The following MLYCD variants were observed in gnomAD, a reference collection of about 807,000 sequenced individuals.
MLYCD encodes malonyl-CoA decarboxylase.
A neutral mutation model predicts 35.8 loss-of-function variants in MLYCD; 27 were observed. That is an observed-to-expected ratio of 0.75 (90% CI 0.56 to 1.04). MLYCD has a LOEUF of 1.04. Ranked by LOEUF, MLYCD falls within the 50% of genes least tolerant of loss-of-function variation. The pLI is 0.00. For missense variants in MLYCD, 917 were observed against 665.1 expected, an observed-to-expected ratio of 1.38 and a Z score of -4.17; for synonymous variants, 403 against 302.4, an observed-to-expected ratio of 1.33 and a Z score of -3.45.
Position 83,899,250 on chromosome 16 carries a change from C to G in MLYCD, c.106C>G (p.Leu36Val), listed in dbSNP as rs1462488273. 6 of 1,313,428 alleles carry G rather than the reference C, an allele frequency of 4.6e-6. No individual in the cohort carries two copies. Among genetic ancestry groups the G allele is most frequent in the South Asian group, 2.2e-5 (1 of 45,942 alleles). 81.4% of individuals were successfully genotyped at this position (1,313,428 alleles called of 1,614,324 possible). A position where few individuals can be genotyped will look rare whatever the true frequency, so the allele number is the denominator to read the frequency against. Residue 36 changes from leucine to valine, a missense_variant, in exon 1 of 5, where the codon CTG becomes GTG. Coordinates refer to ENST00000262430, the MANE Select transcript of MLYCD (RefSeq NM_012213.3). ...GGCGAGCGGGCAGGCGGCCGGCGCC[C>G]TGGAGCGGGCCATGGACGAGCTGCT... ...RLASGQAAGA[L>V]ERAMDELLRR... is the part of the protein sequence containing the mutation.
Position 83,917,086 on chromosome 16 carries a change from G to A in MLYCD, c.*1597G>A, listed in dbSNP as rs28575294. On this transcript the variant is annotated 3_prime_UTR_variant, in exon 5 of 5. Transcript: ENST00000262430. ...AGTGCACGTCTGTGTGCGTGTGCAC[G>A]AGCGTCTCTGTGGATCAGTGCACGT... The A allele has an allele frequency of 1.3e-3, 5 of 3,988 alleles. No homozygotes were observed. The highest frequency in any genetic ancestry group is 5.5e-3 in the Non-Finnish European group (3 of 544). The allele number at this position is 3,988 out of a possible 1,614,324, so 0.2% of individuals were successfully genotyped here. A position where few individuals can be genotyped will look rare whatever the true frequency, so the allele number is the denominator to read the frequency against.
intron 1 of MLYCD, among the ~76,000 whole-genome samples, chr16:83,902,883 C>G (rs993201251): frequency 6.6e-6 from 1 of 152,014 alleles, no homozygotes; most frequent in Non-Finnish European, 1.5e-5. Flanking sequence ...GATTTGTGGC[C>G]TCCTGAATGT....
intron 3 of MLYCD, among the ~76,000 whole-genome samples, chr16:83,911,274 G>A (rs1907171408): frequency 6.6e-6 from 1 of 152,178 alleles, no homozygotes; most frequent in Non-Finnish European, 1.5e-5. Context: ...CACCGCGCCC[G>A]GCCTCCATAC....
Position 83,912,203 on chromosome 16 carries a change from G to A in MLYCD, c.799-15G>A, listed in dbSNP as rs367614213. 513 of 1,614,034 alleles carry A rather than the reference G, an allele frequency of 3.2e-4. No homozygotes were observed. The highest frequency in any genetic ancestry group is 4.2e-4 in the Non-Finnish European group (496 of 1,180,022). ...CGGCCAGGCCACCCTTAGAACCATCGTTGGTGTTTTCCAGGCAATCGTGAA... is the reference window on the plus strand; with the variant it reads ...CGGCCAGGCCACCCTTAGAACCATCATTGGTGTTTTCCAGGCAATCGTGAA... On this transcript the variant is annotated splice_polypyrimidine_tract_variant and intron_variant, in intron 3 of 4. Coordinates refer to ENST00000262430, the MANE Select transcript of MLYCD (RefSeq NM_012213.3).
Position 83,915,771 on chromosome 16 carries a change from C to T in MLYCD, c.*282C>T. 1 of 1,313,816 alleles carries T rather than the reference C, an allele frequency of 7.6e-7. No homozygotes were observed. The allele number at this position is 1,313,816 out of a possible 1,614,324, so 81.4% of individuals were successfully genotyped here. On this transcript the variant is annotated 3_prime_UTR_variant, in exon 5 of 5. Coordinates refer to ENST00000262430, the MANE Select transcript of MLYCD (RefSeq NM_012213.3). ...TCGTTGCCCTTGGCCTGGCTCCCTG[C>T]CCGGGGCTGGTGCTGTGGTACCTAC... is the stretch of plus-strand genomic sequence containing the variant.
At chr16:83,910,194 A>AT (rs1195659818) in intron 3 of MLYCD, among the ~76,000 whole-genome samples, 3 of 136,192 alleles carry the variant, frequency 2.2e-5, no homozygotes, top group Admixed American at 1.4e-4. Flanking sequence ...GTAATTGGTT[A>AT]TTTTTTTTTA....
intron 1 of MLYCD, among the ~76,000 whole-genome samples, chr16:83,904,715 T>A (rs1336489510): frequency 6.6e-6 from 1 of 152,230 alleles, no homozygotes; most frequent in Non-Finnish European, 1.5e-5. Context: ...CAGCTGTCTA[T>A]CTAATGCTTA....
At chr16:83,904,708 C>G (rs1272000207) in intron 1 of MLYCD, among the ~76,000 whole-genome samples, 2 of 152,354 alleles carry the variant, frequency 1.3e-5, no homozygotes, top group East Asian at 3.9e-4. Flanking sequence ...TCTGGTCCAG[C>G]TGTCTATCTA....
At chr16:83,900,971 G>C (rs773546823) in intron 1 of MLYCD, among the ~76,000 whole-genome samples, 7 of 152,184 alleles carry the variant, frequency 4.6e-5, no homozygotes, top group Admixed American at 2.0e-4. Context: ...CCGTTAATCA[G>C]ATGTTTATTA....
In MLYCD at chr16:83,916,281, G is replaced by C. The variant is rs1907383719; in HGVS notation, c.*792G>C. 2.4e-6 allele frequency: 2 copies of C among 822,772 alleles called. No homozygotes were observed. Among genetic ancestry groups the C allele is most frequent in the African/African-American group, 1.9e-5 (1 of 53,888 alleles). 51.0% of individuals were successfully genotyped at this position (822,772 alleles called of 1,614,324 possible). A position where few individuals can be genotyped will look rare whatever the true frequency, so the allele number is the denominator to read the frequency against. On this transcript the variant is annotated 3_prime_UTR_variant, in exon 5 of 5. Transcript: ENST00000262430. Reference sequence around the variant, plus strand: ...GGGGAGTTTGGGATGAAGGAGCCTGGGGTGTGTTGGATGAGAACAAAGGTG... The same window carrying C: ...GGGGAGTTTGGGATGAAGGAGCCTGCGGTGTGTTGGATGAGAACAAAGGTG...
rs890010323 is a variant in MLYCD, at chr16:83,926,984, C to G, written c.*11495C>G. On this transcript the variant is annotated 3_prime_UTR_variant, in exon 5 of 5. Coordinates refer to ENST00000262430, the MANE Select transcript of MLYCD (RefSeq NM_012213.3). ...CACTCACTCCAGCCTGGCGACAGAG[C>G]GAGACTACGTCTCAAAAAAAAATAA... 1.8e-4 allele frequency: 28 copies of G among 152,040 alleles called. No individual in the cohort carries two copies. The highest frequency in any genetic ancestry group is 6.5e-4 in the African/African-American group (27 of 41,348). 9.4% of individuals were successfully genotyped at this position (152,040 alleles called of 1,614,324 possible).
rs1271564891 is a variant in MLYCD, at chr16:83,914,957, G to C, written c.950G>C (p.Arg317Thr). ...TTCCACCCCAACCATGCTTTACAGAGAGAGTTTCCTCACCTTGGGGTGTTT... is the reference window on the plus strand; with the variant it reads ...TTCCACCCCAACCATGCTTTACAGACAGAGTTTCCTCACCTTGGGGTGTTT... ...LIKRVVKELQ[R>T]EFPHLGVFSS... The change falls in exon 5 of 5, where the codon AGA becomes ACA. Residue 317 changes from arginine (R) to threonine (T), a missense_variant and splice_region_variant. By Grantham distance (71) the Arg-to-Thr change is moderately conservative. Transcript: ENST00000262430. 1 of 1,614,226 alleles carries C rather than the reference G, an allele frequency of 6.2e-7. No homozygotes were observed. The highest frequency in any genetic ancestry group is 2.2e-5 in the East Asian group (1 of 44,888).
intron 1 of MLYCD, among the ~76,000 whole-genome samples, chr16:83,902,164 T>TAG: frequency 8.7e-6 from 1 of 115,198 alleles, no homozygotes. Flanking sequence ...CGTATATATA[T>TAG]ATATATATAT....
intron 3 of MLYCD, 58 bp downstream of exon 3, chr16:83,908,340 T>G (rs1364781696): frequency 6.4e-7 from 1 of 1,565,200 alleles, no homozygotes; most frequent in African/African-American, 1.4e-5. Flanking sequence ...CCTTGTGTTT[T>G]TTGTTTTGTT....
chr16:83,916,060 T>C lies in MLYCD; in HGVS notation c.*571T>C, dbSNP rs1277877282. On this transcript the variant is annotated 3_prime_UTR_variant, in exon 5 of 5. Coordinates refer to ENST00000262430, the MANE Select transcript of MLYCD (RefSeq NM_012213.3). ...CACAAGGTGTGTGTAGTAAGTTAAATTGTTGAACACAAAAATGTTGCTGCT... is the reference window on the plus strand; with the variant it reads ...CACAAGGTGTGTGTAGTAAGTTAAACTGTTGAACACAAAAATGTTGCTGCT... 7.0e-6 allele frequency: 7 copies of C among 997,698 alleles called. No homozygotes were observed. In the East Asian group the frequency reaches 6.0e-4, roughly 86 times the overall value. 61.8% of individuals were successfully genotyped at this position (997,698 alleles called of 1,614,324 possible). A position where few individuals can be genotyped will look rare whatever the true frequency, so the allele number is the denominator to read the frequency against.
chr16:83,899,121 C>A lies in MLYCD; in HGVS notation c.-24C>A, dbSNP rs1238036419. The A allele has an allele frequency of 4.5e-6, 5 of 1,105,568 alleles. No homozygotes were observed. The highest frequency in any genetic ancestry group is 2.2e-6 in the Non-Finnish European group (2 of 909,644). The allele number at this position is 1,105,568 out of a possible 1,614,324, so 68.5% of individuals were successfully genotyped here. On this transcript the variant is annotated 5_prime_UTR_variant, in exon 1 of 5. Transcript: ENST00000262430. ...GCGCGGCAGCGGCGGCGGCGCTCCCCCTCGGCAGCTGTTGTGGGGCACCAT... is the reference window on the plus strand; with the variant it reads ...GCGCGGCAGCGGCGGCGGCGCTCCCACTCGGCAGCTGTTGTGGGGCACCAT...
intron 1 of MLYCD, among the ~76,000 whole-genome samples, chr16:83,903,931 T>G (rs1039266306): frequency 2.6e-5 from 4 of 152,198 alleles, no homozygotes; most frequent in African/African-American, 7.2e-5. Context: ...CCTGGTGGTG[T>G]TTGTATCCTG....
In MLYCD at chr16:83,922,940, T is replaced by TG. The variant is rs1218768930; in HGVS notation, c.*7452dup. On this transcript the variant is annotated 3_prime_UTR_variant, in exon 5 of 5. Transcript: ENST00000262430. Reference sequence around the variant, plus strand: ...TGCACAGGGGCTTGAGGGGACCTCCTGACCCCTGATGGCTGAGCACCCTTG... The same window carrying TG: ...TGCACAGGGGCTTGAGGGGACCTCCTGGACCCCTGATGGCTGAGCACCCTTG... 2 of 152,428 alleles carry TG rather than the reference T, an allele frequency of 1.3e-5. No homozygotes were observed. The highest frequency in any genetic ancestry group is 4.8e-5 in the African/African-American group (2 of 41,592). The allele number at this position is 152,428 out of a possible 1,614,324, so 9.4% of individuals were successfully genotyped here. A position where few individuals can be genotyped will look rare whatever the true frequency, so the allele number is the denominator to read the frequency against.
Position 83,916,249 on chromosome 16 carries a change from A to AGCCT in MLYCD, c.*761_*764dup, listed in dbSNP as rs1907382615. The AGCCT allele has an allele frequency of 1.0e-6, 1 of 976,648 alleles. No homozygotes were observed. The highest frequency in any genetic ancestry group is 1.8e-5 in the African/African-American group (1 of 57,040). 60.5% of individuals were successfully genotyped at this position (976,648 alleles called of 1,614,324 possible). A position where few individuals can be genotyped will look rare whatever the true frequency, so the allele number is the denominator to read the frequency against. ...CTGGGAAGGCTGGAATCAGCCAGCC[A>AGCCT]GCCTACGGGGAGTTTGGGATGAAGG... is the stretch of plus-strand genomic sequence containing the variant. On this transcript the variant is annotated 3_prime_UTR_variant, in exon 5 of 5. Transcript: ENST00000262430.
Sources: allele counts gnomAD v4.1 joint callset (sites outside exome capture counted in the v4.1 genomes callset), GRCh38; gene constraint gnomAD v4.1.1; transcripts MANE v1.5; gene names NCBI Gene and HGNC (gene_info 2026-07-23, HGNC 2026-07-21).